Variants in RPS19 observed in about 807,000 individuals in gnomAD.
The protein encoded by RPS19 is small ribosomal subunit protein eS19.
A neutral mutation model predicts 20.3 loss-of-function variants in RPS19; 1 was observed. The ratio of observed to expected loss-of-function variants is 0.05; its 90% CI spans 0.02 to 0.23. The LOEUF is 0.23. Among genes scored for constraint, RPS19 ranks in the 10% least tolerant of loss-of-function variants. The pLI is 1.00. For missense variants in RPS19, 111 were observed against 192.7 expected (o/e 0.58, Z 2.51); for synonymous variants, 87 against 74.8 (o/e 1.16, Z -0.84).
Position 41,869,134 on chromosome 19 carries a change from C to T in RPS19, c.276C>T (p.Phe92=), listed in dbSNP as rs374703100. 2 of 1,613,866 alleles carry T rather than the reference C, an allele frequency of 1.2e-6. No homozygotes were observed. Among genetic ancestry groups the T allele is most frequent in the African/African-American group, 2.7e-5 (2 of 74,920 alleles). The change falls in exon 4 of 6, where the codon TTC becomes TTT. Residue 92 remains phenylalanine (F), a synonymous_variant. Coordinates refer to ENST00000598742, the MANE Select transcript of RPS19 (RefSeq NM_001022.4). ...RQRNGVMPSH[F]SRGSKSVARR... ...GAAACGGCGTCATGCCCAGCCACTTCAGCCGAGGCTCCAAGAGTGTGGCCC... is the reference window on the plus strand; with the variant it reads ...GAAACGGCGTCATGCCCAGCCACTTTAGCCGAGGCTCCAAGAGTGTGGCCC...
At chr19:41,862,212 C>T (rs1448422830) in intron 3 of RPS19, among the ~76,000 whole-genome samples, 2 of 152,166 alleles carry the variant, frequency 1.3e-5, no homozygotes, top group African/African-American at 4.8e-5. Context: ...CTTGGCCCTT[C>T]AGAATATGAA....
chr19:41,861,643 T>C (rs1158275673), intron 3 of RPS19: 2 of 272,332 alleles, frequency 7.3e-6, no homozygotes, highest in Non-Finnish European at 1.5e-5. Context: ...ATTGCAAGGA[T>C]TGAATGAATT....
intron 3 of RPS19, among the ~76,000 whole-genome samples, chr19:41,866,382 G>GT (rs1555840519): frequency 6.6e-6 from 1 of 152,276 alleles, no homozygotes; most frequent in Non-Finnish European, 1.5e-5. Context: ...GGCCCAGAGG[G>GT]ATGGCAGCAG....
intron 3 of RPS19, chr19:41,864,703 T>G (rs2074067072): frequency 1.3e-5 from 2 of 151,704 alleles, no homozygotes; most frequent in African/African-American, 4.9e-5. Flanking sequence ...CTGAGAGGAG[T>G]GGGTTGCCAT....
chr19:41,865,347 CAG>C (rs1431040485), intron 3 of RPS19, among the ~76,000 whole-genome samples: 1 of 145,658 alleles, frequency 6.9e-6, no homozygotes, highest in Non-Finnish European at 1.5e-5. Context: ...GCCTGGGCAA[CAG>C]AGTGAGACTG....
intron 3 of RPS19, chr19:41,864,343 T>A (rs2074063486): frequency 6.6e-6 from 1 of 152,210 alleles, no homozygotes; most frequent in East Asian, 1.9e-4. Context: ...GTAGAAAGAA[T>A]GAGATCTGGG....
chr19:41,868,939 A>C (rs568147490), intron 3 of RPS19, 92 bp from the exon 4 acceptor site: 2 of 1,322,560 alleles, frequency 1.5e-6, no homozygotes, highest in Admixed American at 3.4e-5. Flanking sequence ...CCCTTCTTAT[A>C]AAACAGTGAG....
rs201047847 is a variant in RPS19 at position 41,860,884 on chromosome 19, G to A, written c.71+39G>A. 5 of 1,560,846 alleles carry A rather than the reference G, an allele frequency of 3.2e-6. No individual in the cohort carries two copies. The East Asian group carries it at 6.7e-5, about 21-fold the overall frequency. ...CTGAGGTTCAAAACGGGTGGAGGCT[G>A]TCGCCTTGGCCTGCCCATCTGAGCC... is the stretch of plus-strand genomic sequence containing the variant. On this transcript the variant is annotated intron_variant, in intron 2 of 5. Transcript: ENST00000598742.
intron 3 of RPS19, among the ~76,000 whole-genome samples, chr19:41,868,628 C>A (rs1555841187): frequency 6.6e-6 from 1 of 152,140 alleles, no homozygotes; most frequent in African/African-American, 2.4e-5. Context: ...GAGTGTCTGC[C>A]CTGCCCTTGT....
At chr19:41,866,082 T>C (rs1555840424) in intron 3 of RPS19, among the ~76,000 whole-genome samples, 1 of 149,622 alleles carries the variant, frequency 6.7e-6, no homozygotes, top group South Asian at 2.2e-4. Context: ...TGAAACCCCA[T>C]CTCTACTAAA....
At position 41,863,398 on chromosome 19, in the gene RPS19, C is replaced by T. The variant is rs146544167; in HGVS notation, c.172+2186C>T. 4.1e-4 allele frequency among the ~76,000 whole-genome samples: 63 copies of T among 152,242 alleles called. 1 individual carries two copies. In the East Asian group the frequency reaches 0.011, roughly 27 times the overall value. On this transcript the variant is annotated intron_variant, in intron 3 of 5. Coordinates refer to ENST00000598742, the MANE Select transcript of RPS19 (RefSeq NM_001022.4). ...ACCAAAGAGGAAGCTGTGGTGCAGACGGGCGAAGGGACTTGCTGCAAGTTA... is the reference window on the plus strand; with the variant it reads ...ACCAAAGAGGAAGCTGTGGTGCAGATGGGCGAAGGGACTTGCTGCAAGTTA...
At chr19:41,866,247 C>A (rs1013064372) in intron 3 of RPS19, among the ~76,000 whole-genome samples, 11 of 151,300 alleles carry the variant, frequency 7.3e-5, no homozygotes, top group Non-Finnish European at 1.5e-5. Context: ...AGAAAGACTC[C>A]GTCTCAAAAA....
At chr19:41,861,241 G>T (rs782106116) in intron 3 of RPS19, 29 bp downstream of exon 3, 9 of 1,546,790 alleles carry the variant, frequency 5.8e-6, no homozygotes, top group Non-Finnish European at 7.1e-6. Flanking sequence ...TGGCTGGAGA[G>T]TGGGGAGCTG....
chr19:41,869,262 G>A (rs782366709), intron 4 of RPS19, 48 bp downstream of exon 4: 9 of 1,522,662 alleles, frequency 5.9e-6, no homozygotes, highest in South Asian at 2.3e-5. Context: ...CTTGAGGCCC[G>A]GTCATCAATT....
In RPS19 at chr19:41,871,476, G is replaced by A; in HGVS notation, c.*99G>A. On this transcript the variant is annotated 3_prime_UTR_variant, in exon 6 of 6. Transcript: ENST00000598742. ...CTGTCGCCCAGGCTGGAGTGCAGTG[G>A]CGCCATCTCAGCTCACTGCAATCTC... The A allele has an allele frequency of 1.9e-6, 2 of 1,045,436 alleles. No homozygotes were observed. Among genetic ancestry groups the A allele is most frequent in the South Asian group, 2.5e-5 (2 of 78,746 alleles). 64.8% of individuals were successfully genotyped at this position (1,045,436 alleles called of 1,614,324 possible).
rs1600607361 is a variant in RPS19, at chr19:41,860,572, T to C, written c.1-203T>C. 42 of 642,540 alleles carry C rather than the reference T, an allele frequency of 6.5e-5. 2 individuals are homozygous for C. The South Asian group carries it at 6.9e-4, about 11-fold the overall frequency. The allele number at this position is 642,540 out of a possible 1,614,324, so 39.8% of individuals were successfully genotyped here. The stretch of plus-strand genomic sequence containing the variant: ...CTCACACGCAGGGGCCGGGCTCTGT[T>C]AGTGCGATCCAGAGAGGCCGTGGGC... On this transcript the variant is annotated intron_variant, in intron 1 of 5. Coordinates refer to ENST00000598742, the MANE Select transcript of RPS19 (RefSeq NM_001022.4).
chr19:41,860,893 G>C, intron 2 of RPS19, 48 bp downstream of exon 2: 4 of 1,524,772 alleles, frequency 2.6e-6, no homozygotes, highest in Non-Finnish European at 3.6e-6. Context: ...TGTCGCCTTG[G>C]CCTGCCCATC....
rs2074021759 is a variant in RPS19, at chr19:41,860,851, T to G, written c.71+6T>G. 1 of 1,612,102 alleles carries G rather than the reference T, an allele frequency of 6.2e-7. No individual in the cohort carries two copies. Among genetic ancestry groups the G allele is most frequent in the South Asian group, 1.1e-5 (1 of 91,012 alleles). On this transcript the variant is annotated splice_donor_region_variant and intron_variant, in intron 2 of 5. Transcript: ENST00000598742. ...CTGGCAGCCTTCCTCAAAAAGTGAG[T>G]TTGGGGACTGAGGTTCAAAACGGGT...
chr19:41,871,326 T>C, intron 5 of RPS19, 25 bp from the exon 6 acceptor site: 1 of 1,613,084 alleles, frequency 6.2e-7, no homozygotes. Flanking sequence ...TTGACTAACT[T>C]TTATTCTTCC....
Sources: allele counts gnomAD v4.1 joint callset (sites outside exome capture counted in the v4.1 genomes callset), GRCh38; gene constraint gnomAD v4.1.1; transcripts MANE v1.5; gene names NCBI Gene and HGNC (gene_info 2026-07-23, HGNC 2026-07-21).